The following CFAP47 variants were observed in gnomAD, a reference collection of about 807,000 sequenced individuals.
CFAP47 encodes cilia and flagella associated protein 47.
In CFAP47, 29 loss-of-function variants were observed where a neutral mutation model predicts 148.1. The observed-to-expected ratio is 0.20, with a 90% CI of 0.15 to 0.27. The LOEUF (loss-of-function observed/expected upper bound fraction) is 0.27. CFAP47 is among the 10% of genes least tolerant of loss of function. The pLI is 1.00. For missense variants in CFAP47, 1,872 were observed against 1,697.5 expected (o/e 1.10, Z -1.81); for synonymous variants, 664 against 577.3 (o/e 1.15, Z -2.15).
intron 29 of CFAP47, among the ~76,000 whole-genome samples, chrX:36,078,464 T>C (rs1937908471): frequency 9.0e-6 from 1 of 111,374 alleles, no homozygotes; most frequent in Admixed American, 9.6e-5. Flanking sequence ...GTAATGGCCT[T>C]CTTTGTCTCG....
chrX:36,144,069 A>G lies in CFAP47; in HGVS notation c.5536-1150A>G, dbSNP rs554519759. On this transcript the variant is annotated intron_variant, in intron 35 of 63. Coordinates refer to ENST00000378653, the MANE Select transcript of CFAP47 (RefSeq NM_001304548.2). ...ATGCTTCTCTATCTCCTCATCCTATAGTAATTTGCTTTTCTGAAAAAATAC... is the reference window on the plus strand; with the variant it reads ...ATGCTTCTCTATCTCCTCATCCTATGGTAATTTGCTTTTCTGAAAAAATAC... Among the ~76,000 whole-genome samples the G allele has an allele frequency of 8.0e-5, 9 of 111,817 alleles. No individual in the cohort carries two copies. In the South Asian group the frequency reaches 3.3e-3, roughly 41 times the overall value.
At position 35,971,836 on chromosome X, in the gene CFAP47, T is replaced by C. The variant is rs1458689552; in HGVS notation, c.2158-33T>C. ...TTCTTAAAATAGCTTTTGCTAATAA[T>C]GAATAATTCTGGAAAAATATGATTT... On this transcript the variant is annotated intron_variant, in intron 12 of 63. Coordinates refer to ENST00000378653, the MANE Select transcript of CFAP47 (RefSeq NM_001304548.2). The C allele has an allele frequency of 3.4e-6, 4 of 1,180,797 alleles. No homozygotes were observed. The African/African-American group carries it at 5.3e-5, about 16-fold the overall frequency.
chrX:36,130,755 C>T (rs778135524), intron 33 of CFAP47, among the ~76,000 whole-genome samples: 2 of 110,818 alleles, frequency 1.8e-5, no homozygotes, highest in African/African-American at 6.5e-5. Context: ...TAAAAAAGAA[C>T]GATATCCTGT....
At chrX:36,330,718 A>G (rs1443851696) in intron 57 of CFAP47, among the ~76,000 whole-genome samples, 1 of 112,049 alleles carries the variant, frequency 8.9e-6, no homozygotes, top group Non-Finnish European at 1.9e-5. Flanking sequence ...TTGCACGCAA[A>G]TAGCTGAACG....
At chrX:35,969,186 G>T (rs938976805) in intron 10 of CFAP47, among the ~76,000 whole-genome samples, 5 of 111,103 alleles carry the variant, frequency 4.5e-5, no homozygotes, top group African/African-American at 1.6e-4. Flanking sequence ...CATATTAATA[G>T]TTAAGGCAGT....
intron 24 of CFAP47, among the ~76,000 whole-genome samples, chrX:36,036,824 C>G (rs1386097722): frequency 9.0e-6 from 1 of 111,535 alleles, no homozygotes; most frequent in Non-Finnish European, 1.9e-5. Flanking sequence ...TGTGCTCTCT[C>G]TCTCTCAATA....
chrX:36,101,965 G>A lies in CFAP47; in HGVS notation c.5127+2086G>A, dbSNP rs758657999. ...GTGCATATGATAGGGGTGGGATAGC[G>A]CTCAATATATGTAAATGTATACTAT... On this transcript the variant is annotated intron_variant, in intron 32 of 63. Coordinates refer to ENST00000378653, the MANE Select transcript of CFAP47 (RefSeq NM_001304548.2). 1.2e-4 allele frequency among the ~76,000 whole-genome samples: 13 copies of A among 111,313 alleles called. No homozygotes were observed. In the South Asian group the frequency reaches 3.0e-3, roughly 26 times the overall value.
In CFAP47 at chrX:36,385,249, G is replaced by A. The variant is rs1211881967; in HGVS notation, c.*243G>A. The A allele has an allele frequency of 1.4e-5, 4 of 288,609 alleles. No individual in the cohort carries two copies. Among genetic ancestry groups the A allele is most frequent in the Admixed American group, 6.0e-5 (1 of 16,619 alleles). The allele number at this position is 288,609 out of a possible 1,213,427, so 23.8% of individuals were successfully genotyped here. A position where few individuals can be genotyped will look rare whatever the true frequency, so the allele number is the denominator to read the frequency against. On this transcript the variant is annotated 3_prime_UTR_variant, in exon 64 of 64. Transcript: ENST00000378653. ...TGCAGGTGTATATTTGTGGTAAAAC[G>A]AAATATAATTTAAATGACAACAGTA...
chrX:36,171,396 G>A (rs1244673140), intron 39 of CFAP47, among the ~76,000 whole-genome samples: 4 of 110,682 alleles, frequency 3.6e-5, no homozygotes, highest in African/African-American at 1.3e-4. Context: ...GAATGGTAAT[G>A]CCTAGGTTTT....
intron 49 of CFAP47, among the ~76,000 whole-genome samples, chrX:36,263,814 ACT>A (rs1388728995): frequency 6.3e-5 from 7 of 110,424 alleles, no homozygotes; most frequent in Admixed American, 4.8e-4. Flanking sequence ...TTTACTTTTC[ACT>A]CTGCTTTTCT....
intron 2 of CFAP47, among the ~76,000 whole-genome samples, chrX:35,939,227 T>G (rs1162454102): frequency 9.0e-6 from 1 of 111,354 alleles, no homozygotes; most frequent in African/African-American, 3.3e-5. Context: ...AGCCTTGTTG[T>G]GTTTGTCATT....
chrX:36,235,526 C>G (rs1555994198), intron 46 of CFAP47, among the ~76,000 whole-genome samples: 2 of 112,502 alleles, frequency 1.8e-5, no homozygotes. Context: ...TCTGTCATCC[C>G]TTTCTTTGAC....
Position 35,950,217 on chromosome X carries a change from T to C in CFAP47, c.657-914T>C, listed in dbSNP as rs761009760. On this transcript the variant is annotated intron_variant, in intron 4 of 63. Coordinates refer to ENST00000378653, the MANE Select transcript of CFAP47 (RefSeq NM_001304548.2). ...AGGTGATAGTTGTGGAGTAGTCAGT[T>C]ATCTGTGGTATCTGATGGGCCTAAA... is the stretch of plus-strand genomic sequence containing the variant. 5.4e-5 allele frequency among the ~76,000 whole-genome samples: 6 copies of C among 111,713 alleles called. No individual in the cohort carries two copies. The South Asian group carries it at 2.3e-3, about 42-fold the overall frequency.
At chrX:36,233,263 G>T (rs1180003753) in intron 46 of CFAP47, among the ~76,000 whole-genome samples, 7 of 111,387 alleles carry the variant, frequency 6.3e-5, no homozygotes, top group African/African-American at 2.3e-4. Context: ...TCTCTTTGTA[G>T]GTCACTCAGG....
chrX:36,093,498 C>G lies in CFAP47; in HGVS notation c.4917-5295C>G, dbSNP rs1476783194. On this transcript the variant is annotated intron_variant, in intron 30 of 63. Coordinates refer to ENST00000378653, the MANE Select transcript of CFAP47 (RefSeq NM_001304548.2). Reference sequence around the variant, plus strand: ...CTTTATACTTTTGATTTGCATTTATCTGTTGATCAATGATGTTAAGTACAT... The same window carrying G: ...CTTTATACTTTTGATTTGCATTTATGTGTTGATCAATGATGTTAAGTACAT... Among the ~76,000 whole-genome samples, 19 of 111,052 alleles carry G rather than the reference C, an allele frequency of 1.7e-4. No homozygotes were observed. In the Admixed American group the frequency reaches 1.7e-3, roughly 10 times the overall value.
intron 33 of CFAP47, among the ~76,000 whole-genome samples, chrX:36,137,454 A>G (rs1939063397): frequency 9.0e-6 from 1 of 110,738 alleles, no homozygotes; most frequent in Non-Finnish European, 1.9e-5. Flanking sequence ...TCCATCCTGT[A>G]TTGCCTTTTA....
At position 35,971,963 on chromosome X, in the gene CFAP47, T is replaced by C. The variant is rs767885237; in HGVS notation, c.2252T>C (p.Val751Ala). 8.0e-6 allele frequency: 9 copies of C among 1,124,951 alleles called. No individual in the cohort carries two copies. In the South Asian group the frequency reaches 1.8e-4, roughly 22 times the overall value. The allele number at this position is 1,124,951 out of a possible 1,213,427, so 92.7% of individuals were successfully genotyped here. A position where few individuals can be genotyped will look rare whatever the true frequency, so the allele number is the denominator to read the frequency against. The change falls in exon 13 of 64, where the codon GTT (valine) becomes GCT (alanine). Residue 751 changes from valine (V) to alanine (A), a missense_variant and splice_region_variant. Val to Ala is a moderately conservative substitution (Grantham distance 64, BLOSUM62 0). Transcript: ENST00000378653. ...CCAAAGCAAATTCATCAAGTAATTG[T>C]TGGTGAGAATACACAAAAACCTACT... Reference protein sequence around the residue: ...LTPKQIHQVIVGPSVLNFGNI... With the variant: ...LTPKQIHQVIAGPSVLNFGNI...
At chrX:36,152,959 C>A (rs760581452) in intron 37 of CFAP47, among the ~76,000 whole-genome samples, 1 of 111,098 alleles carries the variant, frequency 9.0e-6, no homozygotes, top group East Asian at 2.8e-4. Context: ...AGAATATATT[C>A]ATTCCATCCC....
intron 45 of CFAP47, among the ~76,000 whole-genome samples, chrX:36,205,816 G>T (rs1358702649): frequency 1.8e-5 from 2 of 111,581 alleles, no homozygotes; most frequent in South Asian, 7.4e-4. Context: ...ATTCACTAAG[G>T]CTATTCCTAG....
Sources: allele counts gnomAD v4.1 joint callset (sites outside exome capture counted in the v4.1 genomes callset), GRCh38; gene constraint gnomAD v4.1.1; transcripts MANE v1.5; gene names NCBI Gene and HGNC (gene_info 2026-07-23, HGNC 2026-07-21).